Variants in PRR14L observed in about 807,000 individuals in gnomAD.
PRR14L encodes protein PRR14L.
A neutral mutation model predicts 155.0 loss-of-function variants in PRR14L; 80 were observed. The observed-to-expected ratio is 0.52, with a 90% CI of 0.43 to 0.62. The LOEUF (loss-of-function observed/expected upper bound fraction) is 0.62, where lower values mean the gene tolerates loss of function less well. Ranked by LOEUF, PRR14L falls within the 20% of genes least tolerant of loss-of-function variation. The pLI is 0.00. For missense variants in PRR14L, 2,469 were observed against 2,548.0 expected, an observed-to-expected ratio of 0.97 and a Z score of 0.67; for synonymous variants, 883 against 916.0, an observed-to-expected ratio of 0.96 and a Z score of 0.65.
At chr22:31,706,718 G>A (rs1014868729) in intron 4 of PRR14L, among the ~76,000 whole-genome samples, 5 of 152,062 alleles carry the variant, frequency 3.3e-5, no homozygotes, top group South Asian at 2.1e-4. Context: ...CACAGTGCCC[G>A]GCCTGCTAGA....
Position 31,748,109 on chromosome 22 carries a change from A to G in PRR14L, c.-52+1884T>C, listed in dbSNP as rs554815515. Among the ~76,000 whole-genome samples, 13 of 152,180 alleles carry G rather than the reference A, an allele frequency of 8.5e-5. No homozygotes were observed. The East Asian group carries it at 2.3e-3, about 27-fold the overall frequency. On this transcript the variant is annotated intron_variant, in intron 1 of 8. Coordinates refer to ENST00000327423, the MANE Select transcript of PRR14L (RefSeq NM_173566.3). ...CACTAGGCGCTGCCATGCTTGCTTC[A>G]GGAACAATACTCACAATAATGACCA... is the stretch of plus-strand genomic sequence containing the variant.
Position 31,714,264 on chromosome 22 carries a change from T to C in PRR14L, c.3575A>G (p.Glu1192Gly), listed in dbSNP as rs2074641103. The stretch of plus-strand genomic sequence containing the variant: ...TGATCCTTCAGTCATTTCTTGTGTT[T>C]CTCTGAGAGATGTTCCTTTATCTTG... ...GQQDKGTSLR[E>G]TQEMTEGSRL... The change falls in exon 4 of 9, where the codon GAA becomes GGA. Residue 1192 changes from glutamate (E) to glycine (G), a missense_variant. Transcript: ENST00000327423. The C allele has an allele frequency of 5.8e-6, 9 of 1,551,388 alleles. No individual in the cohort carries two copies. The highest frequency in any genetic ancestry group is 1.4e-5 in the African/African-American group (1 of 72,994).
At chr22:31,697,138 C>CA (rs2074538838) in intron 7 of PRR14L, among the ~76,000 whole-genome samples, 1 of 151,134 alleles carries the variant, frequency 6.6e-6, no homozygotes, top group Non-Finnish European at 1.5e-5. Context: ...AACAAACAAA[C>CA]AAACAAACAA....
chr22:31,711,611 G>A (rs1379788095), intron 4 of PRR14L, among the ~76,000 whole-genome samples: 14 of 151,310 alleles, frequency 9.3e-5, no homozygotes, highest in East Asian at 1.9e-4. Context: ...AGAAACCCCC[G>A]TCTCTACTAA....
At chr22:31,703,525 G>GA (rs2074573726) in intron 6 of PRR14L, 25 bp downstream of exon 6, 1 of 1,601,424 alleles carries the variant, frequency 6.2e-7, no homozygotes, top group Non-Finnish European at 8.5e-7. Flanking sequence ...ACCATCATCT[G>GA]ACCCAACCAG....
intron 2 of PRR14L, among the ~76,000 whole-genome samples, chr22:31,736,636 C>A (rs1304489074): frequency 2.0e-5 from 3 of 152,278 alleles, no homozygotes; most frequent in South Asian, 4.1e-4. Context: ...AGCCCTCAGG[C>A]CAGCAGCCTG....
chr22:31,746,481 A>T (rs2074838483), intron 1 of PRR14L, among the ~76,000 whole-genome samples: 1 of 152,218 alleles, frequency 6.6e-6, no homozygotes, highest in East Asian at 1.9e-4. Flanking sequence ...TTTACAGCTT[A>T]ATCTTTGCTA....
At chr22:31,699,100 G>A (rs1272014636) in intron 7 of PRR14L, among the ~76,000 whole-genome samples, 2 of 151,626 alleles carry the variant, frequency 1.3e-5, no homozygotes, top group African/African-American at 2.4e-5. Context: ...GCAGTGCCGC[G>A]ACCTCGGCTC....
Position 31,738,552 on chromosome 22 carries a change from C to T in PRR14L, c.309G>A (p.Val103=), listed in dbSNP as rs978034187. 8 of 1,551,902 alleles carry T rather than the reference C, an allele frequency of 5.2e-6. No homozygotes were observed. The Admixed American group carries it at 1.4e-4, about 27-fold the overall frequency. Residue 103 remains valine (V), a synonymous_variant, in exon 2 of 9, where the codon GTG becomes GTA. Transcript: ENST00000327423. ...GLVDSTAGGS[V]ASGILDRAKR... Reference sequence around the variant, plus strand: ...TTGCCCTATCCAAGATCCCAGATGCCACAGAACCTCCTGCTGTGGAGTCCA... The same window carrying T: ...TTGCCCTATCCAAGATCCCAGATGCTACAGAACCTCCTGCTGTGGAGTCCA...
At chr22:31,728,394 C>T (rs1223668755) in intron 2 of PRR14L, among the ~76,000 whole-genome samples, 3 of 152,118 alleles carry the variant, frequency 2.0e-5, no homozygotes, top group Non-Finnish European at 4.4e-5. Context: ...GGGCGGATCA[C>T]CTGAGGTCAG....
Position 31,714,285 on chromosome 22 carries a change from T to C in PRR14L, c.3554A>G (p.Asp1185Gly), listed in dbSNP as rs1216584831. 5 of 1,551,676 alleles carry C rather than the reference T, an allele frequency of 3.2e-6. 1 individual carries two copies. The highest frequency in any genetic ancestry group is 1.7e-6 in the Non-Finnish European group (2 of 1,146,982). Residue 1185 changes from aspartate to glycine, a missense_variant, in exon 4 of 9, where the codon GAT becomes GGT. By Grantham distance (94) the Asp-to-Gly change is moderately conservative (BLOSUM62 -1). Transcript: ENST00000327423. ...TGTTTCTCTGAGAGATGTTCCTTTA[T>C]CTTGCTGTCCATAATGGCTATCATT... ...SLNDSHYGQQ[D>G]KGTSLRETQE...
At chr22:31,721,621 C>G (rs1404295639) in intron 3 of PRR14L, among the ~76,000 whole-genome samples, 1 of 151,138 alleles carries the variant, frequency 6.6e-6, no homozygotes, top group Admixed American at 6.6e-5. Flanking sequence ...CAGCAGCAAG[C>G]AGCAGACATA....
At chr22:31,741,911 G>T (rs1015911840) in intron 1 of PRR14L, among the ~76,000 whole-genome samples, 5 of 152,098 alleles carry the variant, frequency 3.3e-5, no homozygotes, top group African/African-American at 1.2e-4. Flanking sequence ...TTTAGATCTA[G>T]AATCTTCCCC....
chr22:31,728,769 A>G (rs538958668), intron 2 of PRR14L, among the ~76,000 whole-genome samples: 2 of 152,262 alleles, frequency 1.3e-5, no homozygotes, highest in South Asian at 2.1e-4. Flanking sequence ...GTTGAATACA[A>G]CCAATGTATT....
rs131247 is a variant in PRR14L, at chr22:31,732,988, C to CT, written c.474+5398dup. ...TATTGTTATACTGCTAGAAGTGTAT[C>CT]TTTTTTTTTTTTTTTTGAGACAGAG... On this transcript the variant is annotated intron_variant, in intron 2 of 8. Coordinates refer to ENST00000327423, the MANE Select transcript of PRR14L (RefSeq NM_173566.3). Among the ~76,000 whole-genome samples, 652 of 140,736 alleles carry CT rather than the reference C, an allele frequency of 4.6e-3. 6 individuals are homozygous for CT. Among genetic ancestry groups the CT allele is most frequent in the East Asian group, 0.02 (95 of 4,858 alleles). The allele number at this position is 140,736 out of a possible 152,430, so 92.3% of individuals were successfully genotyped here. A position where few individuals can be genotyped will look rare whatever the true frequency, so the allele number is the denominator to read the frequency against.
chr22:31,715,858 G>C lies in PRR14L; in HGVS notation c.1981C>G (p.Gln661Glu), dbSNP rs1390399079. Residue 661 changes from glutamine (Q) to glutamate (E), a missense_variant, in exon 4 of 9, where the codon CAA becomes GAA. Physicochemically the swap from Gln to Glu is conservative, Grantham distance 29. This residue lies in a region of PRR14L where 2,363 missense variants were observed against 2,371.6 expected (regional missense o/e 1.00). Coordinates refer to ENST00000327423, the MANE Select transcript of PRR14L (RefSeq NM_173566.3). ...TCAGTTGGCAAATTTGCATGTTCTTGAGAATTAAGGGACACTTGTTGATTT... is the reference window on the plus strand; with the variant it reads ...TCAGTTGGCAAATTTGCATGTTCTTCAGAATTAAGGGACACTTGTTGATTT... ...VLNQQVSLNS[Q>E]EHANLPTDSL... 1.3e-6 allele frequency: 2 copies of C among 1,551,546 alleles called. No individual in the cohort carries two copies. The highest frequency in any genetic ancestry group is 3.9e-5 in the Admixed American group (2 of 50,982).
chr22:31,738,675 T>A lies in PRR14L; in HGVS notation c.186A>T (p.Ala62=). Reference sequence around the variant, plus strand: ...GAGTCCTCTGCAGCTCCAAGGGCAATGCCCTATTCTGACTTAAAAGAGAGC... The same window carrying A: ...GAGTCCTCTGCAGCTCCAAGGGCAAAGCCCTATTCTGACTTAAAAGAGAGC... ...ASSSLLSQNR[A]LPLELQRTHV... The change falls in exon 2 of 9, where the codon GCA becomes GCT. Residue 62 remains alanine, a synonymous_variant. Coordinates refer to ENST00000327423, the MANE Select transcript of PRR14L (RefSeq NM_173566.3). The A allele has an allele frequency of 6.4e-7, 1 of 1,552,046 alleles. No individual in the cohort carries two copies. Among genetic ancestry groups the A allele is most frequent in the Non-Finnish European group, 8.7e-7 (1 of 1,147,060 alleles).
Position 31,685,492 on chromosome 22 carries a change from A to T in PRR14L, c.*35T>A, listed in dbSNP as rs753153141. Reference sequence around the variant, plus strand: ...CCCAAAAACAAAACAAAACAAAAAAACCCTAAAATTGAGACCCTCAAACTG... The same window carrying T: ...CCCAAAAACAAAACAAAACAAAAAATCCCTAAAATTGAGACCCTCAAACTG... On this transcript the variant is annotated 3_prime_UTR_variant, in exon 9 of 9. Coordinates refer to ENST00000327423, the MANE Select transcript of PRR14L (RefSeq NM_173566.3). The T allele has an allele frequency of 5.4e-6, 8 of 1,480,950 alleles. No individual in the cohort carries two copies. The highest frequency in any genetic ancestry group is 1.4e-5 in the African/African-American group (1 of 69,448). 91.7% of individuals were successfully genotyped at this position (1,480,950 alleles called of 1,614,324 possible). A position where few individuals can be genotyped will look rare whatever the true frequency, so the allele number is the denominator to read the frequency against.
Position 31,713,541 on chromosome 22 carries a change from T to C in PRR14L, c.4298A>G (p.Gln1433Arg). The C allele has an allele frequency of 7.1e-6, 11 of 1,552,204 alleles. No individual in the cohort carries two copies. The highest frequency in any genetic ancestry group is 9.6e-6 in the Non-Finnish European group (11 of 1,147,096). The change falls in exon 4 of 9, where the codon CAA becomes CGA. Residue 1433 changes from glutamine to arginine, a missense_variant. Coordinates refer to ENST00000327423, the MANE Select transcript of PRR14L (RefSeq NM_173566.3). ...GGACTCATCTTTGTCAGCCTTCGGT[T>C]GGTTCTGATTTTGTGCATCATCTAA... ...LLLDDAQNQN[Q>R]PKADKDESTM...
Sources: gnomAD v4.1 joint callset for allele counts (sites outside exome capture counted in the v4.1 genomes callset) on GRCh38, gnomAD v4.1.1 for gene constraint, gnomAD v4.1.1 regional missense constraint, MANE v1.5 for transcripts, NCBI Gene and HGNC (gene_info 2026-07-23, HGNC 2026-07-21) for gene names.